ST18: variants seen among roughly 807,000 people sequenced by gnomAD.
The protein encoded by ST18 is suppression of tumorigenicity 18 protein.
ST18 carries 50 observed loss-of-function variants against 110.0 expected under a neutral mutation model. The observed-to-expected ratio is 0.45, with a 90% CI of 0.36 to 0.58. The LOEUF (loss-of-function observed/expected upper bound fraction) is 0.58, where lower values mean the gene tolerates loss of function less well. Ranked by LOEUF, ST18 falls within the 20% of genes least tolerant of loss-of-function variation. The pLI, the probability that ST18 is intolerant of heterozygous loss-of-function variation, is 0.00. For synonymous variants in ST18, 461 were observed against 452.4 expected, an observed-to-expected ratio of 1.02 and a Z score of -0.24; for missense variants, 1,306 against 1,280.1, an observed-to-expected ratio of 1.02 and a Z score of -0.31.
At position 52,253,470 on chromosome 8, in the gene ST18, G is replaced by C. The variant is rs544498362; in HGVS notation, c.-464-23393C>G. Among the ~76,000 whole-genome samples the C allele has an allele frequency of 1.2e-3, 180 of 151,994 alleles. 1 individual carries two copies. Among genetic ancestry groups the C allele is most frequent in the Non-Finnish European group, 2.3e-3 (153 of 67,916 alleles). ...ACATTTATCAAAAATGAACAGTATC[G>C]TTTTTATAGGCTACTCTTATCCAAT... is the stretch of plus-strand genomic sequence containing the variant. On this transcript the variant is annotated intron_variant, in intron 2 of 25. Transcript: ENST00000689386.
chr8:52,349,237 G>A (rs1447763709), intron 2 of ST18, among the ~76,000 whole-genome samples: 4 of 152,084 alleles, frequency 2.6e-5, no homozygotes, highest in African/African-American at 9.7e-5. Context: ...TGGTGGAGAC[G>A]TGGTAGACAG....
intron 2 of ST18, among the ~76,000 whole-genome samples, chr8:52,310,722 C>T (rs1466836431): frequency 6.6e-6 from 1 of 152,150 alleles, no homozygotes; most frequent in Non-Finnish European, 1.5e-5. Context: ...CTCTCTGTTT[C>T]TTCTTGCGGC....
At chr8:52,184,938 A>G (rs931310136) in intron 8 of ST18, among the ~76,000 whole-genome samples, 3 of 152,206 alleles carry the variant, frequency 2.0e-5, no homozygotes, top group South Asian at 4.1e-4. Context: ...GCCAAGAAGT[A>G]TGAATCTGAA....
intron 3 of ST18, among the ~76,000 whole-genome samples, chr8:52,228,906 C>T (rs1286613325): frequency 6.6e-6 from 1 of 152,088 alleles, no homozygotes; most frequent in East Asian, 1.9e-4. Flanking sequence ...CATGGACTCA[C>T]TAAAAAGTCC....
chr8:52,131,004 A>C (rs558778995), intron 22 of ST18, among the ~76,000 whole-genome samples: 1 of 152,356 alleles, frequency 6.6e-6, no homozygotes, highest in East Asian at 1.9e-4. Flanking sequence ...ACATTTGAAA[A>C]CCATCAAAAA....
At chr8:52,261,268 G>A (rs16917585) in intron 2 of ST18, among the ~76,000 whole-genome samples, 2,661 of 152,216 alleles carry the variant, frequency 0.017, 68 homozygotes, top group African/African-American at 0.061. Flanking sequence ...CATGACCAGG[G>A]GCTATTTTGG....
At chr8:52,209,561 C>T (rs2081344435) in intron 8 of ST18, among the ~76,000 whole-genome samples, 1 of 151,738 alleles carries the variant, frequency 6.6e-6, no homozygotes, top group East Asian at 1.9e-4. Context: ...CACCTGAGAT[C>T]AGGAGTTCGA....
chr8:52,319,959 G>C (rs936898536), intron 2 of ST18, among the ~76,000 whole-genome samples: 22 of 152,262 alleles, frequency 1.4e-4, no homozygotes, highest in African/African-American at 5.1e-4. Flanking sequence ...ACCAGGTCTT[G>C]AAAGTCACAT....
chr8:52,299,531 C>T (rs2095684610), intron 2 of ST18, among the ~76,000 whole-genome samples: 1 of 152,074 alleles, frequency 6.6e-6, no homozygotes, highest in Non-Finnish European at 1.5e-5. Flanking sequence ...TGGATAATTA[C>T]CCTCTCTCAA....
At chr8:52,191,512 C>A (rs1272981625) in intron 8 of ST18, among the ~76,000 whole-genome samples, 3 of 152,184 alleles carry the variant, frequency 2.0e-5, no homozygotes, top group African/African-American at 7.2e-5. Flanking sequence ...CTGTGACATC[C>A]ACCACAGTGG....
Position 52,180,108 on chromosome 8 carries a change from C to G in ST18, c.277+14G>C. 1.2e-6 allele frequency: 2 copies of G among 1,612,870 alleles called. No individual in the cohort carries two copies. The highest frequency in any genetic ancestry group is 1.3e-5 in the African/African-American group (1 of 75,002). ...CCAGGGAGCAGGTAAAGTTTGGGCT[C>G]TCCTCCTTGCTACCTGCGGTAGAGT... On this transcript the variant is annotated intron_variant, in intron 9 of 25. Transcript: ENST00000689386.
intron 2 of ST18, among the ~76,000 whole-genome samples, chr8:52,350,883 G>A (rs1470382299): frequency 6.6e-6 from 1 of 152,012 alleles, no homozygotes; most frequent in Non-Finnish European, 1.5e-5. Flanking sequence ...ACCACGCCCA[G>A]CTAATTTTTT....
chr8:52,389,487 T>C (rs1222053508), intron 2 of ST18, among the ~76,000 whole-genome samples: 1 of 152,202 alleles, frequency 6.6e-6, no homozygotes, highest in Admixed American at 6.5e-5. Context: ...CACATTCTTC[T>C]GAGCACACCA....
chr8:52,214,033 C>T (rs1452590267), intron 7 of ST18, among the ~76,000 whole-genome samples, 170 bp downstream of exon 7: 1 of 152,148 alleles, frequency 6.6e-6, no homozygotes, highest in East Asian at 1.9e-4. Context: ...ACTCCTCGTT[C>T]ATAATATTTT....
chr8:52,377,300 T>C (rs1246832794), intron 2 of ST18, among the ~76,000 whole-genome samples: 1 of 152,248 alleles, frequency 6.6e-6, no homozygotes, highest in Non-Finnish European at 1.5e-5. Flanking sequence ...TTTATGCTTC[T>C]ACCTATAACT....
chr8:52,171,992 G>T lies in ST18; in HGVS notation c.869C>A (p.Thr290Lys), dbSNP rs145432477. The T allele has an allele frequency of 1.2e-6, 2 of 1,614,056 alleles. No homozygotes were observed. The highest frequency in any genetic ancestry group is 2.7e-5 in the African/African-American group (2 of 74,902). The change falls in exon 10 of 26, where the codon ACG (threonine) becomes AAG (lysine). Residue 290 changes from threonine to lysine, a missense_variant. Transcript: ENST00000689386. ...CTTTTCCAGGTCACTACCCTCTTCC[G>T]TCATTACTGCCAGGCTCTCGCTATC... ...EEDSESLAVM[T>K]EEGSDLEKAK...
intron 2 of ST18, among the ~76,000 whole-genome samples, chr8:52,364,247 T>C (rs1590271484): frequency 6.6e-6 from 1 of 152,326 alleles, no homozygotes; most frequent in East Asian, 1.9e-4. Context: ...CTTTGCTTTT[T>C]TTTCATCCTC....
chr8:52,175,426 C>T (rs1049463174), intron 9 of ST18, among the ~76,000 whole-genome samples: 7 of 152,182 alleles, frequency 4.6e-5, no homozygotes, highest in African/African-American at 1.7e-4. Context: ...TGTTCACCAA[C>T]TGCCTTTGGA....
chr8:52,235,156 C>T (rs962982420), intron 2 of ST18, among the ~76,000 whole-genome samples: 5 of 151,926 alleles, frequency 3.3e-5, no homozygotes, highest in South Asian at 2.1e-4. Context: ...AAAAATTACA[C>T]GATGAATGCC....
Sources: allele counts gnomAD v4.1 joint callset (sites outside exome capture counted in the v4.1 genomes callset), GRCh38; gene constraint gnomAD v4.1.1; transcripts MANE v1.5; gene names NCBI Gene and HGNC (gene_info 2026-07-23, HGNC 2026-07-21).